The following ITGA8 variants were observed in gnomAD, a reference collection of about 807,000 sequenced individuals.
ITGA8 encodes the protein integrin alpha-8.
In ITGA8, 91 loss-of-function variants were observed where a neutral mutation model predicts 142.3. The ratio of observed to expected loss-of-function variants is 0.64; its 90% CI spans 0.54 to 0.76. The LOEUF (loss-of-function observed/expected upper bound fraction) is 0.76. ITGA8 is among the 30% of genes least tolerant of loss of function. ITGA8 has a pLI of 0.00. For missense variants in ITGA8, 1,406 were observed against 1,327.7 expected, an observed-to-expected ratio of 1.06 and a Z score of -0.92; for synonymous variants, 505 against 485.2, an observed-to-expected ratio of 1.04 and a Z score of -0.54.
intron 27 of ITGA8, among the ~76,000 whole-genome samples, chr10:15,541,443 G>A (rs1833567484): frequency 6.6e-6 from 1 of 152,130 alleles, no homozygotes; most frequent in Admixed American, 6.5e-5. Flanking sequence ...TTGTTCAAAG[G>A]TATCACAAGT....
intron 6 of ITGA8, among the ~76,000 whole-genome samples, chr10:15,674,305 C>T (rs1184383266): frequency 6.6e-6 from 1 of 152,228 alleles, no homozygotes; most frequent in Non-Finnish European, 1.5e-5. Flanking sequence ...TGTCTATACA[C>T]ATATACACAT....
chr10:15,683,053 T>C (rs1834767480), intron 4 of ITGA8, among the ~76,000 whole-genome samples: 1 of 152,138 alleles, frequency 6.6e-6, no homozygotes, highest in Non-Finnish European at 1.5e-5. Context: ...ATTTTAGAGC[T>C]CAAGCTAATT....
At chr10:15,572,149 T>G (rs1834197023) in intron 25 of ITGA8, 62 bp downstream of exon 25, 2 of 1,369,068 alleles carry the variant, frequency 1.5e-6, no homozygotes, top group Non-Finnish European at 2.0e-6. Context: ...AAGCCCAGTT[T>G]GTATTTTTTT....
chr10:15,709,919 C>T (rs987305115), intron 2 of ITGA8, among the ~76,000 whole-genome samples: 1 of 152,130 alleles, frequency 6.6e-6, no homozygotes. Context: ...TAAATAAATG[C>T]ATTTCTAAAC....
intron 27 of ITGA8, among the ~76,000 whole-genome samples, chr10:15,536,793 AT>A (rs1285857772): frequency 6.6e-6 from 1 of 152,132 alleles, no homozygotes; most frequent in Admixed American, 6.5e-5. Context: ...TTGCACAATG[AT>A]TTGCTTATAG....
At chr10:15,542,932 C>T (rs556751106) in intron 27 of ITGA8, among the ~76,000 whole-genome samples, 4 of 152,222 alleles carry the variant, frequency 2.6e-5, no homozygotes, top group Non-Finnish European at 5.9e-5. Context: ...GAAAGATTGG[C>T]AGGCTGTTCC....
chr10:15,630,027 C>T (rs777133482), intron 13 of ITGA8, among the ~76,000 whole-genome samples: 10 of 152,068 alleles, frequency 6.6e-5, no homozygotes, highest in Non-Finnish European at 1.5e-4. Context: ...AAATAAACCT[C>T]TTAAAATAAT....
rs1367114150 is a variant in ITGA8, at chr10:15,604,243, C to A, written c.2083G>T (p.Glu695Ter). 6.2e-7 allele frequency: 1 copy of A among 1,613,290 alleles called. No homozygotes were observed. The highest frequency in any genetic ancestry group is 2.2e-5 in the East Asian group (1 of 44,848). Residue 695 changes from glutamate to a stop codon, truncating the protein, a stop_gained, in exon 20 of 30, where the codon GAG (glutamate) becomes TAG (stop). Coordinates refer to ENST00000378076, the MANE Select transcript of ITGA8 (RefSeq NM_003638.3). LOFTEE classifies it high-confidence loss of function. ...CGTTCGATTCCAACATAATCTGCCT[C>A]TTCTGGTATCATTACAAAGAGTTCA... ...EAELFVMIPEEADYVGIERNN... is the reference protein window; with the variant it reads ...EAELFVMIPE
chr10:15,636,076 C>T (rs1206675658), intron 13 of ITGA8, among the ~76,000 whole-genome samples: 1 of 152,174 alleles, frequency 6.6e-6, no homozygotes, highest in Non-Finnish European at 1.5e-5. Context: ...TCTTGGCCTT[C>T]TGCCCATGTT....
intron 13 of ITGA8, among the ~76,000 whole-genome samples, chr10:15,621,816 A>G (rs552300944): frequency 2.6e-5 from 4 of 152,206 alleles, no homozygotes; most frequent in African/African-American, 7.2e-5. Context: ...GCAGTGAGCT[A>G]TGATGGTGCC....
intron 25 of ITGA8, among the ~76,000 whole-genome samples, chr10:15,571,238 G>A (rs762539542): frequency 6.6e-6 from 1 of 152,196 alleles, no homozygotes; most frequent in African/African-American, 2.4e-5. Flanking sequence ...CTTTCAGAAT[G>A]AGCAATGACC....
At chr10:15,669,669 G>A (rs948807925) in intron 8 of ITGA8, among the ~76,000 whole-genome samples, 1 of 152,094 alleles carries the variant, frequency 6.6e-6, no homozygotes. Flanking sequence ...CTTTGATGAT[G>A]GTGACGTACA....
At chr10:15,632,407 T>C (rs546396884) in intron 13 of ITGA8, among the ~76,000 whole-genome samples, 63 of 152,228 alleles carry the variant, frequency 4.1e-4, no homozygotes, top group Non-Finnish European at 5.3e-4. Flanking sequence ...TCAGATATTA[T>C]GTTATCGGAC....
intron 11 of ITGA8, among the ~76,000 whole-genome samples, chr10:15,652,682 G>A (rs1834110228): frequency 1.3e-5 from 2 of 152,258 alleles, no homozygotes; most frequent in Admixed American, 6.5e-5. Context: ...TGAAGATGAA[G>A]GCAATTTATT....
chr10:15,582,248 A>C (rs1306610058), intron 23 of ITGA8, among the ~76,000 whole-genome samples: 1 of 152,176 alleles, frequency 6.6e-6, no homozygotes, highest in African/African-American at 2.4e-5. Flanking sequence ...CAAAAAAAAG[A>C]AGAAAAGAAG....
intron 2 of ITGA8, among the ~76,000 whole-genome samples, chr10:15,694,678 CATATATATATATATAT>C (rs71374639): frequency 2.6e-5 from 2 of 77,528 alleles, no homozygotes; most frequent in Non-Finnish European, 4.9e-5. Context: ...TATTTGTCGA[CATATATATATATATAT>C]ATATATATGT....
At chr10:15,695,919 T>C (rs1477850651) in intron 2 of ITGA8, among the ~76,000 whole-genome samples, 1 of 152,208 alleles carries the variant, frequency 6.6e-6, no homozygotes, top group Non-Finnish European at 1.5e-5. Context: ...CTGTGATCCC[T>C]GAACTTCCAA....
intron 23 of ITGA8, among the ~76,000 whole-genome samples, chr10:15,575,960 T>TGA (rs1273719772): frequency 3.3e-5 from 5 of 150,284 alleles, no homozygotes; most frequent in Non-Finnish European, 7.4e-5. Flanking sequence ...TGTGTGTGTG[T>TGA]GTGAGTGTGT....
At chr10:15,711,168 A>G (rs1588745027) in intron 2 of ITGA8, among the ~76,000 whole-genome samples, 2 of 152,230 alleles carry the variant, frequency 1.3e-5, no homozygotes, top group East Asian at 1.9e-4. Flanking sequence ...TTGCATAGAT[A>G]TTCTTATGCA....
Sources: allele counts gnomAD v4.1 joint callset (sites outside exome capture counted in the v4.1 genomes callset), GRCh38; gene constraint gnomAD v4.1.1; transcripts MANE v1.5; gene names NCBI Gene and HGNC (gene_info 2026-07-23, HGNC 2026-07-21).